Variants in RANBP2 observed in about 807,000 individuals in gnomAD.
RANBP2 encodes the protein E3 SUMO-protein ligase RanBP2.
A neutral mutation model predicts 303.6 loss-of-function variants in RANBP2; 57 were observed. That is an observed-to-expected ratio of 0.19 (90% CI 0.15 to 0.23). The LOEUF is 0.23. Ranked by LOEUF, RANBP2 falls within the 10% of genes least tolerant of loss-of-function variation. RANBP2 has a pLI of 1.00. For synonymous variants in RANBP2, 1,167 were observed against 1,301.5 expected (o/e 0.90, Z 2.23); for missense variants, 3,138 against 3,780.8 (o/e 0.83, Z 4.46).
At chr2:109,538,785 C>T in the RANBP2 span, among the ~76,000 whole-genome samples, 4 of 152,204 alleles carry the variant, frequency 2.6e-5, no homozygotes, top group African/African-American at 7.2e-5. Context: ...TCCCAAAGTG[C>T]TGGAATTACA....
chr2:108,772,879 G>A lies in RANBP2; in HGVS notation c.8125G>A (p.Glu2709Lys), dbSNP rs373969193. 4.3e-5 allele frequency: 69 copies of A among 1,613,780 alleles called. No individual in the cohort carries two copies. In the African/African-American group the frequency reaches 8.4e-4, roughly 20 times the overall value. Residue 2709 changes from glutamate to lysine, a missense_variant, in exon 23 of 29, where the codon GAA (glutamate) becomes AAA (lysine). This residue lies in a region of RANBP2 where 497 missense variants were observed against 465.8 expected (regional missense o/e 1.07). Coordinates refer to ENST00000283195, the MANE Select transcript of RANBP2 (RefSeq NM_006267.5). Reference protein sequence around the residue: ...LEENTADNEKECIIVWEKKPT... With the variant: ...LEENTADNEKKCIIVWEKKPT... The stretch of plus-strand genomic sequence containing the variant: ...TACTGATTTTTCAGATAATGAGAAA[G>A]AATGTATTATTGTTTGGGAAAAGAA...
the RANBP2 span, among the ~76,000 whole-genome samples, chr2:109,169,753 TAC>T: frequency 0.35 from 52,304 of 149,490 alleles, 10,173 homozygotes; most frequent in African/African-American, 0.52. Flanking sequence ...AAAACAACCA[TAC>T]ACACACACAC....
chr2:109,140,423 T>TA, the RANBP2 span, among the ~76,000 whole-genome samples: 1 of 151,986 alleles, frequency 6.6e-6, no homozygotes, highest in Non-Finnish European at 1.5e-5. Context: ...CTCTGTCCCC[T>TA]AGGCTGGAGT....
chr2:108,752,175 C>G (rs918202863), intron 12 of RANBP2, among the ~76,000 whole-genome samples, 181 bp downstream of exon 12: 42 of 151,776 alleles, frequency 2.8e-4, no homozygotes, highest in African/African-American at 9.9e-4. Context: ...GGAGCAATGC[C>G]TGGCACACAG....
In RANBP2 at chr2:108,763,112, T is replaced by C. The variant is rs1291588125; in HGVS notation, c.2698-125T>C. 7.9e-6 allele frequency: 9 copies of C among 1,135,820 alleles called. No individual in the cohort carries two copies. In the Admixed American group the frequency reaches 1.8e-4, roughly 22 times the overall value. The allele number at this position is 1,135,820 out of a possible 1,614,324, so 70.4% of individuals were successfully genotyped here. A position where few individuals can be genotyped will look rare whatever the true frequency, so the allele number is the denominator to read the frequency against. On this transcript the variant is annotated intron_variant, in intron 19 of 28. Transcript: ENST00000283195. ...GCATAAACGGGTTAATGATGTGTAC[T>C]ACATCCCCTAATGAGATCTTCTTCA...
chr2:109,486,910 G>T, the RANBP2 span, among the ~76,000 whole-genome samples: 1 of 152,194 alleles, frequency 6.6e-6, no homozygotes. Flanking sequence ...GAGACGTTTT[G>T]TTCCTAACAG....
the RANBP2 span, among the ~76,000 whole-genome samples, chr2:109,657,027 A>G: frequency 6.6e-6 from 1 of 152,352 alleles, no homozygotes; most frequent in East Asian, 1.9e-4. Context: ...TGGGCCAAGA[A>G]AATCCATGAT....
At chr2:108,919,690 C>T in the RANBP2 span, among the ~76,000 whole-genome samples, 2 of 152,176 alleles carry the variant, frequency 1.3e-5, no homozygotes, top group Non-Finnish European at 2.9e-5. Context: ...ATTTCTGCTG[C>T]CCAGTGTCCC....
chr2:109,155,428 G>T, the RANBP2 span, among the ~76,000 whole-genome samples: 1 of 151,894 alleles, frequency 6.6e-6, no homozygotes, highest in African/African-American at 2.4e-5. Flanking sequence ...TCGGCCTCCC[G>T]AGTAGCTGGG....
the RANBP2 span, among the ~76,000 whole-genome samples, chr2:109,451,070 C>G: frequency 2.0e-5 from 3 of 152,240 alleles, no homozygotes; most frequent in Non-Finnish European, 4.4e-5. Flanking sequence ...TGGGCCACAC[C>G]AGGTTCCGCA....
the RANBP2 span, among the ~76,000 whole-genome samples, chr2:108,887,253 T>C: frequency 6.6e-6 from 1 of 152,242 alleles, no homozygotes; most frequent in African/African-American, 2.4e-5. Flanking sequence ...TCCGTTTTTA[T>C]AACAGTACCA....
chr2:108,972,325 A>C, the RANBP2 span, among the ~76,000 whole-genome samples: 2 of 152,344 alleles, frequency 1.3e-5, no homozygotes, highest in African/African-American at 4.8e-5. Flanking sequence ...CAAGCTTAGG[A>C]TTGAACACAG....
At chr2:109,390,247 A>G in the RANBP2 span, among the ~76,000 whole-genome samples, 1 of 152,084 alleles carries the variant, frequency 6.6e-6, no homozygotes. Context: ...CCCATAAACT[A>G]CCAGTTTATC....
the RANBP2 span, among the ~76,000 whole-genome samples, chr2:108,945,587 A>G: frequency 6.6e-6 from 1 of 152,216 alleles, no homozygotes; most frequent in Non-Finnish European, 1.5e-5. Flanking sequence ...GAACACCAGG[A>G]AAAAGGACTG....
intron 9 of RANBP2, among the ~76,000 whole-genome samples, chr2:108,749,696 A>G (rs1675700082): frequency 6.6e-6 from 1 of 152,070 alleles, no homozygotes; most frequent in Non-Finnish European, 1.5e-5. Flanking sequence ...GGCTCAAGGG[A>G]TTCTCTTGCC....
At chr2:109,059,908 G>T in the RANBP2 span, among the ~76,000 whole-genome samples, 1 of 152,184 alleles carries the variant, frequency 6.6e-6, no homozygotes, top group African/African-American at 2.4e-5. Flanking sequence ...CTGCCTCACA[G>T]GCCTGAGTGT....
At chr2:109,680,276 C>G in the RANBP2 span, among the ~76,000 whole-genome samples, 1 of 151,436 alleles carries the variant, frequency 6.6e-6, no homozygotes, top group Admixed American at 6.6e-5. Flanking sequence ...TGGTGTAAAC[C>G]CCGGAGGCGG....
the RANBP2 span, among the ~76,000 whole-genome samples, chr2:109,670,174 C>T: frequency 6.6e-6 from 1 of 152,140 alleles, no homozygotes; most frequent in African/African-American, 2.4e-5. Context: ...CCCTTAGCAT[C>T]CTTCACATTC....
chr2:109,342,913 G>A, the RANBP2 span, among the ~76,000 whole-genome samples: 2 of 152,232 alleles, frequency 1.3e-5, no homozygotes, highest in Non-Finnish European at 2.9e-5. Flanking sequence ...TAATTGTCCT[G>A]TAGGCATCCC....
Sources: allele counts gnomAD v4.1 joint callset (sites outside exome capture counted in the v4.1 genomes callset), GRCh38; gene constraint gnomAD v4.1.1; regional missense constraint gnomAD v4.1.1; transcripts MANE v1.5; gene names NCBI Gene and HGNC (gene_info 2026-07-23, HGNC 2026-07-21).